NPAS3: variants seen among roughly 807,000 people sequenced by gnomAD.
The protein encoded by NPAS3 is neuronal PAS domain protein 3.
NPAS3 carries 14 observed loss-of-function variants against 73.1 expected under a neutral mutation model. The observed-to-expected ratio is 0.19, with a 90% confidence interval of 0.13 to 0.30. The LOEUF (loss-of-function observed/expected upper bound fraction) is 0.30. NPAS3 is among the 10% of genes least tolerant of loss of function. NPAS3 has a pLI of 1.00. For missense variants in NPAS3, 1,096 were observed against 1,250.0 expected, an observed-to-expected ratio of 0.88 and a Z score of 1.86; for synonymous variants, 620 against 541.5, an observed-to-expected ratio of 1.14 and a Z score of -2.01.
intron 4 of NPAS3, among the ~76,000 whole-genome samples, chr14:33,498,200 T>C (rs1483758410): frequency 1.3e-5 from 2 of 152,134 alleles, no homozygotes; most frequent in Non-Finnish European, 2.9e-5. Context: ...CAACAGATGC[T>C]GGAGAGGATG....
intron 7 of NPAS3, among the ~76,000 whole-genome samples, chr14:33,743,796 C>T (rs990908620): frequency 6.6e-6 from 1 of 152,216 alleles, no homozygotes; most frequent in Admixed American, 6.5e-5. Context: ...GAATTTGCTG[C>T]AGCTTCTACA....
intron 2 of NPAS3, among the ~76,000 whole-genome samples, chr14:33,065,375 A>G (rs1007640731): frequency 2.6e-5 from 4 of 152,124 alleles, no homozygotes; most frequent in African/African-American, 9.7e-5. Context: ...ATCCTGTCAC[A>G]TATTATGTCT....
chr14:33,128,328 A>AT (rs1185025905), intron 2 of NPAS3, among the ~76,000 whole-genome samples: 1 of 152,090 alleles, frequency 6.6e-6, no homozygotes, highest in Non-Finnish European at 1.5e-5. Context: ...GTGGAAAAAT[A>AT]TTTTTTTCTC....
intron 5 of NPAS3, among the ~76,000 whole-genome samples, chr14:33,667,857 C>G (rs2059498728): frequency 6.6e-6 from 1 of 152,034 alleles, no homozygotes; most frequent in Non-Finnish European, 1.5e-5. Context: ...GGCTAACCAC[C>G]TATATTCTAC....
intron 3 of NPAS3, among the ~76,000 whole-genome samples, chr14:33,302,725 G>A (rs2042603057): frequency 6.6e-6 from 1 of 152,144 alleles, no homozygotes; most frequent in African/African-American, 2.4e-5. Context: ...TGGTAGTTCT[G>A]GAGGATGTTA....
Position 33,800,131 on chromosome 14 carries a change from G to T in NPAS3, c.1824G>T (p.Lys608Asn). ...GCAAGAAAAGGCGGAAACGGCAAAA[G>T]GGCGGCAGCGCCAGCCGCCGGCGCC... The change falls in exon 12 of 12, where the codon AAG (lysine) becomes AAT (asparagine). Residue 608 changes from lysine to asparagine, a missense_variant. Lys to Asn is a moderately conservative substitution (Grantham distance 94). Transcript: ENST00000356141. This position sits in a 1 kb window ranked among gnomAD's most constrained non-coding sequence, Gnocchi z 6.5. The T allele has an allele frequency of 6.3e-7, 1 of 1,582,272 alleles. No individual in the cohort carries two copies. Among genetic ancestry groups the T allele is most frequent in the East Asian group, 2.3e-5 (1 of 43,824 alleles).
chr14:32,952,056 ATT>A, intron 1 of NPAS3, among the ~76,000 whole-genome samples: 1 of 152,132 alleles, frequency 6.6e-6, no homozygotes, highest in Admixed American at 6.5e-5. Flanking sequence ...TTGTAAGATG[ATT>A]AACTTTTTTG....
chr14:33,090,383 G>A lies in NPAS3; in HGVS notation c.140+34389G>A, dbSNP rs546892134. Among the ~76,000 whole-genome samples the A allele has an allele frequency of 9.9e-5, 15 of 152,198 alleles. No homozygotes were observed. The East Asian group carries it at 2.7e-3, about 27-fold the overall frequency. On this transcript the variant is annotated intron_variant, in intron 2 of 11. Transcript: ENST00000356141. ...ATAAAACAGACTTTAAACCAACAAA[G>A]ATCAAAAGAGACAAAGAAGGCCATT...
chr14:33,610,717 A>T (rs1336292081), intron 5 of NPAS3, among the ~76,000 whole-genome samples: 1 of 152,208 alleles, frequency 6.6e-6, no homozygotes, highest in Non-Finnish European at 1.5e-5. Flanking sequence ...TTTCTATCCT[A>T]ATCCCAGTAT....
At chr14:33,153,343 T>C (rs2044527834) in intron 2 of NPAS3, among the ~76,000 whole-genome samples, 1 of 152,168 alleles carries the variant, frequency 6.6e-6, no homozygotes, top group Admixed American at 6.5e-5. Flanking sequence ...CTTGTTGAAA[T>C]TCATTACTGA....
chr14:33,764,151 G>C (rs1958054), intron 7 of NPAS3, among the ~76,000 whole-genome samples: 3 of 152,130 alleles, frequency 2.0e-5, no homozygotes, highest in Non-Finnish European at 4.4e-5. Flanking sequence ...TTAAATGGGG[G>C]CACTGGGGAG....
At chr14:33,343,485 T>C (rs901883488) in intron 3 of NPAS3, among the ~76,000 whole-genome samples, 1 of 152,194 alleles carries the variant, frequency 6.6e-6, no homozygotes, top group African/African-American at 2.4e-5. Context: ...ACCATCACTC[T>C]CTTTTCTGTC....
intron 2 of NPAS3, among the ~76,000 whole-genome samples, chr14:33,066,782 A>G (rs533711358): frequency 1.1e-3 from 168 of 152,326 alleles, no homozygotes; most frequent in African/African-American, 3.8e-3. Context: ...TCCTTCTGGG[A>G]CAACAGAAGC....
intron 3 of NPAS3, among the ~76,000 whole-genome samples, chr14:33,319,421 T>C (rs1206827335): frequency 2.0e-5 from 3 of 152,114 alleles, no homozygotes; most frequent in African/African-American, 4.8e-5. Context: ...TGCTGTCTGA[T>C]CTATCAAATG....
Position 33,060,532 on chromosome 14 carries a change from T to C in NPAS3, c.140+4538T>C, listed in dbSNP as rs149877703. On this transcript the variant is annotated intron_variant, in intron 2 of 11. Coordinates refer to ENST00000356141, the Ensembl canonical transcript of NPAS3. Reference sequence around the variant, plus strand: ...TTGTAATGGATTTAGACAGTTGTCATTGAAAGCAGAAGAGGCCATTGGCAA... The same window carrying C: ...TTGTAATGGATTTAGACAGTTGTCACTGAAAGCAGAAGAGGCCATTGGCAA... 2.7e-3 allele frequency among the ~76,000 whole-genome samples: 410 copies of C among 152,348 alleles called. 1 individual carries two copies. Among genetic ancestry groups the C allele is most frequent in the African/African-American group, 9.0e-3 (373 of 41,580 alleles).
intron 3 of NPAS3, among the ~76,000 whole-genome samples, chr14:33,331,705 A>C (rs1335455421): frequency 2.6e-5 from 4 of 152,258 alleles, no homozygotes; most frequent in African/African-American, 9.6e-5. Flanking sequence ...AAAATCTGAC[A>C]GAGGACAAAA....
chr14:33,499,371 C>T (rs1361536055), intron 4 of NPAS3, among the ~76,000 whole-genome samples: 2 of 151,810 alleles, frequency 1.3e-5, no homozygotes, highest in African/African-American at 4.8e-5. Flanking sequence ...AAGATTTAAA[C>T]CCTTTTTTAA....
At chr14:33,215,051 G>C (rs1197489957) in intron 2 of NPAS3, 131 bp from the exon 3 acceptor site, 3 of 924,958 alleles carry the variant, frequency 3.2e-6, no homozygotes, top group Non-Finnish European at 4.9e-6. Context: ...TCATTTTACT[G>C]TCACTCTCTA....
At chr14:33,134,490 C>A (rs1417985026) in intron 2 of NPAS3, among the ~76,000 whole-genome samples, 1 of 152,134 alleles carries the variant, frequency 6.6e-6, no homozygotes, top group African/African-American at 2.4e-5. Flanking sequence ...TTCACGGATA[C>A]TGAAAATTCT....
Sources: gnomAD v4.1 joint callset for allele counts (sites outside exome capture counted in the v4.1 genomes callset) on GRCh38, gnomAD v4.1.1 for gene constraint, Gnocchi (gnomAD v3.1) non-coding constraint, MANE v1.5 for transcripts, NCBI Gene and HGNC (gene_info 2026-07-23, HGNC 2026-07-21) for gene names.